The following NTNG1 variants were observed in gnomAD, a reference collection of about 807,000 sequenced individuals.
NTNG1 encodes the protein netrin G1.
A neutral mutation model predicts 54.0 loss-of-function variants in NTNG1; 16 were observed. That is an observed-to-expected ratio of 0.30 (90% confidence interval 0.20 to 0.45). The LOEUF (loss-of-function observed/expected upper bound fraction) is 0.45. Ranked by LOEUF, NTNG1 falls within the 20% of genes least tolerant of loss-of-function variation. NTNG1 has a pLI of 1.00. For synonymous variants in NTNG1, 255 were observed against 263.1 expected (o/e 0.97, Z 0.30); for missense variants, 530 against 678.7 (o/e 0.78, Z 2.43).
chr1:107,161,759 A>T lies in NTNG1; in HGVS notation c.246+12920A>T, dbSNP rs1188882420. ...TATTGTTTTTGTTAGAATTAAAAAA[A>T]AAAAGATATCACTGACAGAGTTGAA... On this transcript the variant is annotated intron_variant, in intron 2 of 7. Transcript: ENST00000370068. Among the ~76,000 whole-genome samples, 6 of 152,114 alleles carry T rather than the reference A, an allele frequency of 3.9e-5. No individual in the cohort carries two copies. The East Asian group carries it at 9.6e-4, about 24-fold the overall frequency.
chr1:107,483,846 T>C lies in NTNG1; in HGVS notation c.*3006T>C, dbSNP rs1186638322. Among the ~76,000 whole-genome samples, 1 of 152,160 alleles carries C rather than the reference T, an allele frequency of 6.6e-6. No individual in the cohort carries two copies. The highest frequency in any genetic ancestry group is 1.5e-5 in the Non-Finnish European group (1 of 68,042). ...ACAAAGGTTCAGCTATCTAGAAAGA[T>C]TTGCTATTTATAGGAAGATAATGGA... On this transcript the variant is annotated 3_prime_UTR_variant, in exon 8 of 8. Transcript: ENST00000370068.
At chr1:107,217,543 A>T (rs1294749970) in intron 2 of NTNG1, among the ~76,000 whole-genome samples, 1 of 151,878 alleles carries the variant, frequency 6.6e-6, no homozygotes, top group Non-Finnish European at 1.5e-5. Context: ...GTGGGACCTT[A>T]GATTGTTTAT....
intron 2 of NTNG1, among the ~76,000 whole-genome samples, chr1:107,200,502 G>GC (rs869146175): frequency 5.4e-3 from 1 of 184 alleles, no homozygotes; most frequent in Non-Finnish European, 9.8e-3. Flanking sequence ...GGGAACATTA[G>GC]GGAACATGTG....
At chr1:107,398,660 C>T (rs1375748557) in intron 4 of NTNG1, among the ~76,000 whole-genome samples, 2 of 152,114 alleles carry the variant, frequency 1.3e-5, no homozygotes, top group Non-Finnish European at 2.9e-5. Flanking sequence ...TTATTCAAGA[C>T]CCAGTGTGTT....
At chr1:107,183,079 T>G (rs1487215980) in intron 2 of NTNG1, among the ~76,000 whole-genome samples, 2 of 152,180 alleles carry the variant, frequency 1.3e-5, no homozygotes, top group African/African-American at 2.4e-5. Flanking sequence ...CTGAACCGAT[T>G]CTTTTGCTCT....
chr1:107,472,935 A>G (rs1460308541), intron 7 of NTNG1, among the ~76,000 whole-genome samples: 1 of 152,198 alleles, frequency 6.6e-6, no homozygotes, highest in African/African-American at 2.4e-5. Flanking sequence ...GGTCATAATC[A>G]CAGCTCTTCA....
At chr1:107,390,943 A>G (rs542699280) in intron 3 of NTNG1, among the ~76,000 whole-genome samples, 45 of 152,330 alleles carry the variant, frequency 3.0e-4, no homozygotes, top group African/African-American at 1.1e-3. Context: ...ATGTCATAGG[A>G]GCACACAGAA....
intron 7 of NTNG1, among the ~76,000 whole-genome samples, chr1:107,439,277 CGTGTGTGT>C (rs3064151): frequency 5.5e-5 from 8 of 145,890 alleles, no homozygotes; most frequent in African/African-American, 1.5e-4. Context: ...CCAGAACTTG[CGTGTGTGT>C]GTGTGTGTGT....
chr1:107,215,581 G>GTTT (rs112071033), intron 2 of NTNG1, among the ~76,000 whole-genome samples: 6 of 151,572 alleles, frequency 4.0e-5, no homozygotes, highest in African/African-American at 1.2e-4. Context: ...CTCCAGATTT[G>GTTT]TTTTTTTTGC....
intron 4 of NTNG1, among the ~76,000 whole-genome samples, chr1:107,399,227 A>G (rs867807428): frequency 1.3e-5 from 2 of 152,186 alleles, no homozygotes; most frequent in African/African-American, 4.8e-5. Context: ...GGACCATTCA[A>G]TAACTTTCTA....
chr1:107,275,639 C>T (rs963319169), intron 2 of NTNG1, among the ~76,000 whole-genome samples: 1 of 152,140 alleles, frequency 6.6e-6, no homozygotes, highest in African/African-American at 2.4e-5. Context: ...GGGAAAAAAA[C>T]CCATGTCCCA....
At chr1:107,214,782 A>G (rs1001575987) in intron 2 of NTNG1, among the ~76,000 whole-genome samples, 1 of 97,820 alleles carries the variant, frequency 1.0e-5, no homozygotes, top group African/African-American at 4.2e-5. Context: ...CACCACATCC[A>G]TGCCATCATT....
intron 6 of NTNG1, among the ~76,000 whole-genome samples, chr1:107,433,639 A>C (rs1179351497): frequency 6.6e-6 from 1 of 152,232 alleles, no homozygotes; most frequent in East Asian, 1.9e-4. Flanking sequence ...CTAAAGAAGA[A>C]AATTGTGTTT....
Position 107,308,227 on chromosome 1 carries a change from T to C in NTNG1, c.247-16055T>C, listed in dbSNP as rs1666798929. 1.3e-5 allele frequency among the ~76,000 whole-genome samples: 2 copies of C among 152,174 alleles called. 1 individual carries two copies. The highest frequency in any genetic ancestry group is 4.1e-4 in the South Asian group (2 of 4,826). ...GCATATTCATCATGAAATCTTTGCC[T>C]GTTCCTATGTCCAGAATGTTATTGC... On this transcript the variant is annotated intron_variant, in intron 2 of 7. Transcript: ENST00000370068.
chr1:107,436,495 G>C (rs890043706), intron 6 of NTNG1, among the ~76,000 whole-genome samples, 170 bp from the exon 7 acceptor site: 2 of 152,146 alleles, frequency 1.3e-5, no homozygotes, highest in Admixed American at 6.5e-5. Context: ...ATCATGGAAG[G>C]CTAAGCGAAT....
At chr1:107,356,645 G>A (rs1041818208) in intron 3 of NTNG1, among the ~76,000 whole-genome samples, 23 of 151,802 alleles carry the variant, frequency 1.5e-4, no homozygotes, top group Non-Finnish European at 7.4e-5. Flanking sequence ...TTTTAAGGAA[G>A]AATTTGGCTA....
At chr1:107,182,182 G>C (rs540713411) in intron 2 of NTNG1, among the ~76,000 whole-genome samples, 125 of 152,146 alleles carry the variant, frequency 8.2e-4, no homozygotes, top group Non-Finnish European at 1.6e-3. Context: ...TGCAAGAGAA[G>C]ACATTTATGA....
chr1:107,341,875 T>A (rs1194021096), intron 3 of NTNG1, among the ~76,000 whole-genome samples: 2 of 151,890 alleles, frequency 1.3e-5, no homozygotes, highest in Non-Finnish European at 2.9e-5. Context: ...TCCTGGGAGG[T>A]TAAGAGGTCA....
chr1:107,444,953 T>C (rs1174803315), intron 7 of NTNG1, among the ~76,000 whole-genome samples: 2 of 152,134 alleles, frequency 1.3e-5, no homozygotes, highest in African/African-American at 2.4e-5. Flanking sequence ...TGAGTGTGTA[T>C]GTAAGAAAAA....
Sources: allele counts gnomAD v4.1 joint callset (sites outside exome capture counted in the v4.1 genomes callset), GRCh38; gene constraint gnomAD v4.1.1; transcripts MANE v1.5; gene names NCBI Gene and HGNC (gene_info 2026-07-23, HGNC 2026-07-21).